EDIL3: variants seen among roughly 807,000 people sequenced by gnomAD.
EDIL3 encodes the protein EGF-like repeat and discoidin I-like domain-containing protein 3.
EDIL3 carries 37 observed loss-of-function variants against 67.4 expected under a neutral mutation model. That is an observed-to-expected ratio of 0.55 (90% CI 0.42 to 0.72). The LOEUF (loss-of-function observed/expected upper bound fraction) is 0.72, where lower values mean the gene tolerates loss of function less well. EDIL3 is among the 30% of genes least tolerant of loss of function. The pLI is 0.00. For missense variants in EDIL3, 527 were observed against 586.3 expected, an observed-to-expected ratio of 0.90 and a Z score of 1.04; for synonymous variants, 195 against 196.3, an observed-to-expected ratio of 0.99 and a Z score of 0.05.
At chr5:84,218,976 C>T (rs1244333386) in intron 3 of EDIL3, among the ~76,000 whole-genome samples, 1 of 152,184 alleles carries the variant, frequency 6.6e-6, no homozygotes. Flanking sequence ...TTGTCACCTG[C>T]TGATTGTAGA....
Position 84,346,443 on chromosome 5 carries a change from C to G in EDIL3, c.67+37865G>C, listed in dbSNP as rs187579839. On this transcript the variant is annotated intron_variant, in intron 1 of 10. Coordinates refer to ENST00000296591, the MANE Select transcript of EDIL3 (RefSeq NM_005711.5). The stretch of plus-strand genomic sequence containing the variant: ...AATGGACTATGAGAGATGTTCAGAT[C>G]CTAGAGTCACAGCTGGCTCACCCCG... 2.4e-3 allele frequency among the ~76,000 whole-genome samples: 364 copies of G among 152,174 alleles called. 3 individuals are homozygous for G. Among genetic ancestry groups the G allele is most frequent in the Admixed American group, 0.019 (284 of 15,278 alleles).
At chr5:84,215,401 C>G (rs1326660298) in intron 3 of EDIL3, among the ~76,000 whole-genome samples, 1 of 151,646 alleles carries the variant, frequency 6.6e-6, no homozygotes, top group East Asian at 2.0e-4. Flanking sequence ...CTACAGGCGC[C>G]CGCCACCACA....
rs141860903 is a variant in EDIL3, at chr5:84,343,453, T to C, written c.67+40855A>G. On this transcript the variant is annotated intron_variant, in intron 1 of 10. Coordinates refer to ENST00000296591, the MANE Select transcript of EDIL3 (RefSeq NM_005711.5). ...ACATTCATGCTTTGTCAGTAATGAA[T>C]TGCCTTTTTTTAGGGGAGAAATAAA... Among the ~76,000 whole-genome samples, 828 of 152,222 alleles carry C rather than the reference T, an allele frequency of 5.4e-3. 11 individuals are homozygous for C. The highest frequency in any genetic ancestry group is 0.019 in the African/African-American group (793 of 41,538).
At chr5:84,072,243 A>T (rs538440889) in intron 6 of EDIL3, among the ~76,000 whole-genome samples, 1 of 151,308 alleles carries the variant, frequency 6.6e-6, no homozygotes, top group East Asian at 1.9e-4. Flanking sequence ...TGGTTGATCA[A>T]TCAAAGATAT....
At position 84,312,379 on chromosome 5, in the gene EDIL3, G is replaced by GGCGGCTGGCCGGGCGGA. The variant is rs1746419748; in HGVS notation, c.68-58168_68-58167insTCCGCCCGGCCAGCCGC. On this transcript the variant is annotated intron_variant, in intron 1 of 10. Coordinates refer to ENST00000296591, the MANE Select transcript of EDIL3 (RefSeq NM_005711.5). ...CCGGACGGGGCGGCTGGCCGGGCGG[G>GGCGGCTGGCCGGGCGGA]GGGCTGACTCCCCCACCACCCTCCC... Among the ~76,000 whole-genome samples, 2 of 135,454 alleles carry GGCGGCTGGCCGGGCGGA rather than the reference G, an allele frequency of 1.5e-5. 1 individual carries two copies. Among genetic ancestry groups the GGCGGCTGGCCGGGCGGA allele is most frequent in the Admixed American group, 1.4e-4 (2 of 14,274 alleles). The allele number at this position is 135,454 out of a possible 152,430, so 88.9% of individuals were successfully genotyped here.
chr5:84,282,002 G>A (rs1745713627), intron 1 of EDIL3, among the ~76,000 whole-genome samples: 1 of 151,022 alleles, frequency 6.6e-6, no homozygotes, highest in South Asian at 2.1e-4. Flanking sequence ...AAGTAGCTGG[G>A]ATTACAGGTG....
rs180769245 is a variant in EDIL3, at chr5:84,087,735, G to T, written c.651+18914C>A. On this transcript the variant is annotated intron_variant, in intron 6 of 10. Transcript: ENST00000296591. Reference sequence around the variant, plus strand: ...AGTCTAATTACTAGCTGCGGCAAGGGCTGTGCTAGAAAAGAACAAGAAGCT... The same window carrying T: ...AGTCTAATTACTAGCTGCGGCAAGGTCTGTGCTAGAAAAGAACAAGAAGCT... 2.6e-5 allele frequency among the ~76,000 whole-genome samples: 4 copies of T among 152,270 alleles called. No individual in the cohort carries two copies. The East Asian group carries it at 7.7e-4, about 29-fold the overall frequency.
intron 1 of EDIL3, among the ~76,000 whole-genome samples, chr5:84,333,008 C>A (rs945742239): frequency 1.3e-5 from 2 of 152,140 alleles, no homozygotes; most frequent in Non-Finnish European, 2.9e-5. Flanking sequence ...CTAACACATT[C>A]TATTTGTTTA....
chr5:83,970,667 A>C (rs991004447), intron 9 of EDIL3, among the ~76,000 whole-genome samples: 5 of 142,992 alleles, frequency 3.5e-5, no homozygotes, highest in African/African-American at 1.3e-4. Flanking sequence ...ATATATATAT[A>C]TATATATATA....
At chr5:84,185,535 T>C (rs1211499542) in intron 3 of EDIL3, among the ~76,000 whole-genome samples, 1 of 152,186 alleles carries the variant, frequency 6.6e-6, no homozygotes, top group Non-Finnish European at 1.5e-5. Flanking sequence ...AGGTGTTTGA[T>C]ACATTTTGAA....
chr5:84,003,468 G>C (rs550631730), intron 9 of EDIL3, among the ~76,000 whole-genome samples: 2 of 152,332 alleles, frequency 1.3e-5, no homozygotes, highest in Admixed American at 1.3e-4. Context: ...AGAGCACTGA[G>C]AGAGTGCATG....
intron 10 of EDIL3, among the ~76,000 whole-genome samples, chr5:83,954,300 T>A (rs1449993212): frequency 6.6e-6 from 1 of 151,744 alleles, no homozygotes; most frequent in Non-Finnish European, 1.5e-5. Context: ...GTTTGGATAT[T>A]TGTCCCCTCC....
At chr5:83,999,840 C>T (rs1194510140) in intron 9 of EDIL3, among the ~76,000 whole-genome samples, 1 of 151,792 alleles carries the variant, frequency 6.6e-6, no homozygotes, top group African/African-American at 2.4e-5. Flanking sequence ...TATCTCAAGA[C>T]ATTTAATAAT....
At chr5:84,346,657 G>C (rs1160880942) in intron 1 of EDIL3, among the ~76,000 whole-genome samples, 1 of 152,050 alleles carries the variant, frequency 6.6e-6, no homozygotes, top group Non-Finnish European at 1.5e-5. Context: ...ATTTTAAATA[G>C]CTATTGGAGT....
intron 9 of EDIL3, among the ~76,000 whole-genome samples, chr5:83,977,174 T>C (rs141009231): frequency 5.1e-4 from 77 of 152,000 alleles, no homozygotes; most frequent in African/African-American, 1.8e-3. Context: ...TTTTCAAATA[T>C]GGTTTTGCCA....
At chr5:84,311,804 A>T (rs1746395068) in intron 1 of EDIL3, among the ~76,000 whole-genome samples, 2 of 152,188 alleles carry the variant, frequency 1.3e-5, no homozygotes, top group Admixed American at 1.3e-4. Context: ...AACAAAGCAC[A>T]TCTTGCACCA....
intron 10 of EDIL3, among the ~76,000 whole-genome samples, chr5:83,952,496 T>C (rs1186872222): frequency 2.6e-5 from 4 of 151,812 alleles, no homozygotes; most frequent in Non-Finnish European, 4.4e-5. Flanking sequence ...AAAAGTAGAA[T>C]TGGGAAACCA....
intron 4 of EDIL3, among the ~76,000 whole-genome samples, chr5:84,157,900 C>A (rs1748521651): frequency 6.6e-6 from 1 of 152,044 alleles, no homozygotes; most frequent in South Asian, 2.1e-4. Context: ...ACAACTTCAG[C>A]ATTAGAATAC....
At chr5:83,948,845 T>A (rs1404444229) in intron 10 of EDIL3, among the ~76,000 whole-genome samples, 3 of 151,756 alleles carry the variant, frequency 2.0e-5, no homozygotes, top group African/African-American at 7.2e-5. Context: ...CCTGAAACCA[T>A]TTCATGATTG....
Sources: allele counts gnomAD v4.1 joint callset (sites outside exome capture counted in the v4.1 genomes callset), GRCh38; gene constraint gnomAD v4.1.1; transcripts MANE v1.5; gene names NCBI Gene and HGNC (gene_info 2026-07-23, HGNC 2026-07-21).